The following HSD17B12 variants were observed in gnomAD, a reference collection of about 807,000 sequenced individuals.
HSD17B12 encodes very-long-chain 3-oxoacyl-CoA reductase.
In HSD17B12, 32 loss-of-function variants were observed where a neutral mutation model predicts 39.3. That is an observed-to-expected ratio of 0.81 (90% CI 0.61 to 1.09). The LOEUF (loss-of-function observed/expected upper bound fraction) is 1.09, where lower values mean the gene tolerates loss of function less well. Among genes scored for constraint, HSD17B12 ranks in the 50% least tolerant of loss-of-function variants. The pLI is 0.00. For missense variants in HSD17B12, 342 were observed against 382.9 expected, an observed-to-expected ratio of 0.89 and a Z score of 0.89; for synonymous variants, 150 against 146.7, an observed-to-expected ratio of 1.02 and a Z score of -0.16.
At chr11:43,691,628 A>T (rs778917413) in intron 1 of HSD17B12, among the ~76,000 whole-genome samples, 2 of 152,154 alleles carry the variant, frequency 1.3e-5, no homozygotes, top group Non-Finnish European at 2.9e-5. Context: ...GAAGCCTCCA[A>T]TCAAGTTACC....
chr11:43,805,419 A>G (rs1213593170), intron 4 of HSD17B12, among the ~76,000 whole-genome samples: 1 of 152,184 alleles, frequency 6.6e-6, no homozygotes, highest in Non-Finnish European at 1.5e-5. Context: ...AAAGGAAACT[A>G]TGTGGTAGGT....
At chr11:43,809,788 A>G (rs1408733520) in intron 4 of HSD17B12, among the ~76,000 whole-genome samples, 1 of 152,238 alleles carries the variant, frequency 6.6e-6, no homozygotes, top group African/African-American at 2.4e-5. Context: ...ATTGCACTCC[A>G]GCCTGGGCAA....
rs115238708 is a variant in HSD17B12, at chr11:43,775,078, G to A, written c.283+20957G>A. ...ATCCTCATATTTTGACCTTGAAGAA[G>A]TAAACTGCCGTCCTGTGGGGAGGGT... On this transcript the variant is annotated intron_variant, in intron 3 of 10. Transcript: ENST00000278353. Among the ~76,000 whole-genome samples the A allele has an allele frequency of 6.6e-3, 1,000 of 152,254 alleles. 18 individuals carry two copies. The highest frequency in any genetic ancestry group is 0.023 in the African/African-American group (940 of 41,534).
Position 43,775,643 on chromosome 11 carries a change from A to G in HSD17B12, c.283+21522A>G, listed in dbSNP as rs191558477. Among the ~76,000 whole-genome samples the G allele has an allele frequency of 1.7e-3, 251 of 151,956 alleles. 1 individual carries two copies. The highest frequency in any genetic ancestry group is 5.8e-3 in the African/African-American group (239 of 41,394). ...ATTATTATACTTTAAGTTTTAGGGT[A>G]CATGTGCACAATGTGCAAGTTAGTT... On this transcript the variant is annotated intron_variant, in intron 3 of 10. Transcript: ENST00000278353.
the HSD17B12 span, among the ~76,000 whole-genome samples, chr11:43,580,077 AG>A: frequency 0.028 from 3,061 of 110,088 alleles, 58 homozygotes; most frequent in Admixed American, 0.042. Flanking sequence ...GGGGGGGGGG[AG>A]GGGCAGGAGA....
At chr11:43,702,687 A>T (rs1949976064) in intron 1 of HSD17B12, among the ~76,000 whole-genome samples, 1 of 152,166 alleles carries the variant, frequency 6.6e-6, no homozygotes, top group Admixed American at 6.5e-5. Context: ...GTCACGGTGG[A>T]TGATCTTTCT....
chr11:43,839,336 AGG>A (rs1182530260), intron 8 of HSD17B12, among the ~76,000 whole-genome samples: 2 of 152,144 alleles, frequency 1.3e-5, no homozygotes, highest in Non-Finnish European at 2.9e-5. Flanking sequence ...TGTTTCTTGA[AGG>A]GATTCGTGAA....
chr11:43,560,180 C>A, the HSD17B12 span, among the ~76,000 whole-genome samples: 1 of 152,188 alleles, frequency 6.6e-6, no homozygotes, highest in Admixed American at 6.5e-5. Flanking sequence ...TGAAATTACA[C>A]AATTCACATT....
chr11:43,709,026 C>A (rs1241314919), intron 1 of HSD17B12, among the ~76,000 whole-genome samples: 1 of 152,156 alleles, frequency 6.6e-6, no homozygotes, highest in East Asian at 1.9e-4. Context: ...TAAGAAGCAG[C>A]AGAGAGGAGA....
chr11:43,631,651 C>G, the HSD17B12 span, among the ~76,000 whole-genome samples: 15 of 152,186 alleles, frequency 9.9e-5, no homozygotes, highest in African/African-American at 3.6e-4. Flanking sequence ...GTCTCTCTCT[C>G]TCTCTCCCTC....
At chr11:43,692,038 A>G (rs996851374) in intron 1 of HSD17B12, among the ~76,000 whole-genome samples, 6 of 152,168 alleles carry the variant, frequency 3.9e-5, no homozygotes, top group Admixed American at 2.6e-4. Flanking sequence ...TGGAACTCTA[A>G]TAGTATTTCT....
chr11:43,572,640 C>T, the HSD17B12 span, among the ~76,000 whole-genome samples: 4 of 152,170 alleles, frequency 2.6e-5, no homozygotes, highest in Non-Finnish European at 5.9e-5. Flanking sequence ...GGAGTGATTT[C>T]TATGCTCAAC....
chr11:43,713,097 T>C (rs180770866), intron 1 of HSD17B12, among the ~76,000 whole-genome samples: 1 of 152,212 alleles, frequency 6.6e-6, no homozygotes, highest in African/African-American at 2.4e-5. Context: ...ATATTCTGTA[T>C]CTACACTGTA....
chr11:43,587,067 A>T, the HSD17B12 span, among the ~76,000 whole-genome samples: 11 of 152,246 alleles, frequency 7.2e-5, no homozygotes, highest in African/African-American at 2.4e-4. Context: ...AGCAAATTCT[A>T]TCTAGTCCCA....
the HSD17B12 span, among the ~76,000 whole-genome samples, chr11:43,650,417 T>G: frequency 6.6e-5 from 10 of 152,252 alleles, no homozygotes; most frequent in African/African-American, 2.4e-4. Flanking sequence ...AACAATAAAG[T>G]ATCTCTTTAT....
intron 3 of HSD17B12, among the ~76,000 whole-genome samples, chr11:43,760,081 G>C (rs1950543008): frequency 6.6e-6 from 1 of 152,080 alleles, no homozygotes; most frequent in African/African-American, 2.4e-5. Context: ...ATTTTTAGTA[G>C]AGATGGGGGT....
At chr11:43,733,703 A>C in intron 1 of HSD17B12, 1 of 543,798 alleles carries the variant, frequency 1.8e-6, no homozygotes. Flanking sequence ...GTTTAGGGGG[A>C]ATTCATGTGG....
chr11:43,731,244 G>A (rs1023326293), intron 1 of HSD17B12, among the ~76,000 whole-genome samples: 12 of 152,102 alleles, frequency 7.9e-5, no homozygotes, highest in Non-Finnish European at 1.5e-4. Flanking sequence ...TGATCTGCCC[G>A]CCTCGGCCTC....
At chr11:43,678,839 C>G (rs1341724763), upstream of HSD17B12, among the ~76,000 whole-genome samples, 3 of 152,124 alleles carry the variant, frequency 2.0e-5, no homozygotes, top group Non-Finnish European at 2.9e-5. Flanking sequence ...TTACTGTAGC[C>G]TTGTAGTATA....
Sources: allele counts gnomAD v4.1 joint callset (sites outside exome capture counted in the v4.1 genomes callset), GRCh38; gene constraint gnomAD v4.1.1; transcripts MANE v1.5; gene names NCBI Gene and HGNC (gene_info 2026-07-23, HGNC 2026-07-21).